Variants in FAT1 observed in about 807,000 individuals in gnomAD.
FAT1 encodes the protein protocadherin Fat 1.
In FAT1, 171 loss-of-function variants were observed where a neutral mutation model predicts 329.8. The observed-to-expected ratio is 0.52, with a 90% CI of 0.46 to 0.59. The LOEUF (loss-of-function observed/expected upper bound fraction) is 0.59. Ranked by LOEUF, FAT1 falls within the 20% of genes least tolerant of loss-of-function variation. The pLI, the probability that FAT1 is intolerant of heterozygous loss-of-function variation, is 0.00. For synonymous variants in FAT1, 2,233 were observed against 2,228.6 expected (o/e 1.00, Z -0.06); for missense variants, 5,672 against 5,774.4 (o/e 0.98, Z 0.57).
At chr4:186,671,702 A>AAAAAAT (rs200587249) in intron 2 of FAT1, among the ~76,000 whole-genome samples, 5 of 152,134 alleles carry the variant, frequency 3.3e-5, no homozygotes, top group Non-Finnish European at 4.4e-5. Context: ...CCGTCTCAAA[A>AAAAAAT]AAAAATAAAA....
At chr4:186,665,176 T>C (rs1268439356) in intron 2 of FAT1, among the ~76,000 whole-genome samples, 2 of 152,144 alleles carry the variant, frequency 1.3e-5, no homozygotes, top group Non-Finnish European at 2.9e-5. Context: ...ATACTGAACC[T>C]TCAGAAAGGG....
rs1319671852 is a variant in FAT1, at chr4:186,709,271, T to C, written c.557A>G (p.Tyr186Cys). 2.5e-6 allele frequency: 4 copies of C among 1,613,902 alleles called. No homozygotes were observed. The highest frequency in any genetic ancestry group is 3.4e-6 in the Non-Finnish European group (4 of 1,179,908). ...ADIGTNGEFY[Y>C]SFKDRTDMFA... is the part of the protein sequence containing the mutation. ...CATATCTGTTCGATCTTTAAAACTGTAGTAAAATTCCCCGTTGGTTCCTAT... is the reference window on the plus strand; with the variant it reads ...CATATCTGTTCGATCTTTAAAACTGCAGTAAAATTCCCCGTTGGTTCCTAT... Residue 186 changes from tyrosine (Y) to cysteine (C), a missense_variant, in exon 2 of 27, where the codon TAC becomes TGC. This residue lies in a region of FAT1 where 3,966 missense variants were observed against 3,915.2 expected (regional missense o/e 1.01). Coordinates refer to ENST00000441802, the MANE Select transcript of FAT1 (RefSeq NM_005245.4).
Position 186,618,626 on chromosome 4 carries a change from C to T in FAT1, c.7960G>A (p.Val2654Ile), listed in dbSNP as rs779677759. 46 of 1,613,916 alleles carry T rather than the reference C, an allele frequency of 2.9e-5. No individual in the cohort carries two copies. Among genetic ancestry groups the T allele is most frequent in the East Asian group, 2.2e-4 (10 of 44,896 alleles). Reference protein sequence around the residue: ...ENLEINKLSGVITTKESLIGL... With the variant: ...ENLEINKLSGIITTKESLIGL... ...ATGAGGCTCTCCTTTGTAGTGATTA[C>T]GCCGGACAGTTTGTTAATTTCCAAA... The change falls in exon 10 of 27, where the codon GTA (valine) becomes ATA (isoleucine). Residue 2654 changes from valine to isoleucine, a missense_variant. By Grantham distance (29) the Val-to-Ile change is conservative. Transcript: ENST00000441802.
In FAT1 at chr4:186,619,633, A is replaced by T. The variant is rs1387935642; in HGVS notation, c.6953T>A (p.Ile2318Asn). The change falls in exon 10 of 27, where the codon ATC (isoleucine) becomes AAC (asparagine). Residue 2318 changes from isoleucine (I) to asparagine (N), a missense_variant. Ile to Asn is a moderately radical substitution (Grantham distance 149, BLOSUM62 -3). Transcript: ENST00000441802. Reference protein sequence around the residue: ...TDSDSEPNRGISYQMFGNHSK... With the variant: ...TDSDSEPNRGNSYQMFGNHSK... ...GTGATTCCCAAACATCTGGTATGAG[A>T]TTCCTCTATTTGGTTCTGAATCAGA... 2.5e-6 allele frequency: 4 copies of T among 1,613,974 alleles called. No homozygotes were observed. The highest frequency in any genetic ancestry group is 3.4e-6 in the Non-Finnish European group (4 of 1,179,902).
At position 186,654,620 on chromosome 4, in the gene FAT1, A is replaced by G. The variant is rs200433113; in HGVS notation, c.3580+8679T>C. On this transcript the variant is annotated intron_variant, in intron 3 of 26. Transcript: ENST00000441802. ...ACTCTCCAAAATACATGAAATTTTT[A>G]CTCTACAGGTTGGGCGCAGTGGCTC... 1.6e-4 allele frequency among the ~76,000 whole-genome samples: 24 copies of G among 152,258 alleles called. No individual in the cohort carries two copies. The East Asian group carries it at 4.6e-3, about 29-fold the overall frequency.
Position 186,636,542 on chromosome 4 carries a change from G to A in FAT1, c.3972+43C>T, listed in dbSNP as rs79204725. The A allele has an allele frequency of 8.9e-4, 1,353 of 1,517,384 alleles. 11 individuals are homozygous for A. The African/African-American group carries it at 0.017, about 20-fold the overall frequency. 94.0% of individuals were successfully genotyped at this position (1,517,384 alleles called of 1,614,324 possible). On this transcript the variant is annotated intron_variant, in intron 5 of 26. Transcript: ENST00000441802. ...GAAAAAATACAAAATAAGGTTTATAGTCACAACATATGAAAAATTACAGTA... is the reference window on the plus strand; with the variant it reads ...GAAAAAATACAAAATAAGGTTTATAATCACAACATATGAAAAATTACAGTA...
intron 24 of FAT1, 92 bp from the exon 25 acceptor site, chr4:186,597,263 C>T (rs1738577908): frequency 1.5e-6 from 2 of 1,318,326 alleles, no homozygotes; most frequent in South Asian, 1.5e-5. Flanking sequence ...CTAATCCCTC[C>T]TTGATGAGCT....
chr4:186,621,426 G>A lies in FAT1; in HGVS notation c.5160C>T (p.Ile1720=), dbSNP rs1740042133. ...FDINPHSGTI[I]TQKALDFETL... is the part of the protein sequence containing the mutation. The stretch of plus-strand genomic sequence containing the variant: ...TTTCAAAGTCCAGGGCTTTCTGAGT[G>A]ATGATAGTTCCAGAATGTGGATTAA... The change falls in exon 10 of 27, where the codon ATC becomes ATT. Residue 1720 remains isoleucine (I), a synonymous_variant. Coordinates refer to ENST00000441802, the MANE Select transcript of FAT1 (RefSeq NM_005245.4). The A allele has an allele frequency of 6.2e-7, 1 of 1,613,900 alleles. No homozygotes were observed. Among genetic ancestry groups the A allele is most frequent in the Admixed American group, 1.7e-5 (1 of 60,004 alleles).
chr4:186,701,370 T>G (rs1265749715), intron 2 of FAT1, among the ~76,000 whole-genome samples: 1 of 152,114 alleles, frequency 6.6e-6, no homozygotes, highest in Non-Finnish European at 1.5e-5. Flanking sequence ...ACTTCCAGTC[T>G]CCCTGTGGCT....
chr4:186,622,011 C>T (rs191000833), intron 9 of FAT1, among the ~76,000 whole-genome samples: 64 of 152,246 alleles, frequency 4.2e-4, no homozygotes, highest in Middle Eastern at 3.4e-3. Context: ...ACAGAAGAAA[C>T]AGCACTCTGC....
rs1739915366 is a variant in FAT1, at chr4:186,619,485, C to G, written c.7101G>C (p.Met2367Ile). ...CAATCACATCACTGCTCAGCGTGGGCATACCACCATCAACTGCCCTCACAA... is the reference window on the plus strand; with the variant it reads ...CAATCACATCACTGCTCAGCGTGGGGATACCACCATCAACTGCCCTCACAA... The part of the protein sequence containing the change: ...TIFVRAVDGG[M>I]PTLSSDVIVT... Residue 2367 changes from methionine to isoleucine, a missense_variant, in exon 10 of 27, where the codon ATG (methionine) becomes ATC (isoleucine). This residue lies in a region of FAT1 where 3,966 missense variants were observed against 3,915.2 expected (regional missense o/e 1.01). Coordinates refer to ENST00000441802, the MANE Select transcript of FAT1 (RefSeq NM_005245.4). 1 of 1,613,968 alleles carries G rather than the reference C, an allele frequency of 6.2e-7. No individual in the cohort carries two copies. Among genetic ancestry groups the G allele is most frequent in the Non-Finnish European group, 8.5e-7 (1 of 1,179,896 alleles).
At chr4:186,623,617 T>C (rs1740152453) in intron 9 of FAT1, among the ~76,000 whole-genome samples, 1 of 152,212 alleles carries the variant, frequency 6.6e-6, no homozygotes, top group African/African-American at 2.4e-5. Flanking sequence ...CTATCTGCTG[T>C]GGAGGAGGCT....
chr4:186,646,734 A>G (rs907471058), intron 3 of FAT1, among the ~76,000 whole-genome samples: 1 of 151,992 alleles, frequency 6.6e-6, no homozygotes, highest in Non-Finnish European at 1.5e-5. Flanking sequence ...TAGAAAAAAA[A>G]AAAAAAAGTA....
chr4:186,681,669 C>T (rs903613729), intron 2 of FAT1, among the ~76,000 whole-genome samples: 1 of 152,234 alleles, frequency 6.6e-6, no homozygotes, highest in Non-Finnish European at 1.5e-5. Context: ...TGAGTTATTT[C>T]AACTGACAGC....
At chr4:186,590,919 A>G (rs1369406395) in intron 26 of FAT1, among the ~76,000 whole-genome samples, 5 of 152,166 alleles carry the variant, frequency 3.3e-5, no homozygotes, top group Admixed American at 3.3e-4. Flanking sequence ...ATCTCTCCAA[A>G]CTGTATGTAT....
At chr4:186,679,689 T>C (rs1490320384) in intron 2 of FAT1, among the ~76,000 whole-genome samples, 13 of 152,050 alleles carry the variant, frequency 8.5e-5, no homozygotes, top group South Asian at 6.2e-4. Flanking sequence ...GTATCAGATA[T>C]ATGGGTTCAA....
At chr4:186,676,142 T>A (rs1169507836) in intron 2 of FAT1, among the ~76,000 whole-genome samples, 2 of 152,126 alleles carry the variant, frequency 1.3e-5, no homozygotes, top group African/African-American at 4.8e-5. Context: ...TTAATAATTA[T>A]TTTCCATTTA....
chr4:186,701,910 T>C (rs138581410), intron 2 of FAT1, among the ~76,000 whole-genome samples: 1 of 152,332 alleles, frequency 6.6e-6, no homozygotes, highest in African/African-American at 2.4e-5. Flanking sequence ...GTTCCCACTG[T>C]AGAAACGCAC....
At chr4:186,667,908 G>A (rs562191080) in intron 2 of FAT1, among the ~76,000 whole-genome samples, 18 of 152,276 alleles carry the variant, frequency 1.2e-4, no homozygotes, top group East Asian at 7.7e-4. Flanking sequence ...TCCACTGAGC[G>A]GTGGGCTGTT....
Sources: allele counts gnomAD v4.1 joint callset (sites outside exome capture counted in the v4.1 genomes callset), GRCh38; gene constraint gnomAD v4.1.1; regional missense constraint gnomAD v4.1.1; transcripts MANE v1.5; gene names NCBI Gene and HGNC (gene_info 2026-07-23, HGNC 2026-07-21).